Variants in VTI1B observed in about 807,000 individuals in gnomAD.
VTI1B encodes the protein vesicle transport through interaction with t-SNAREs 1B.
A neutral mutation model predicts 28.6 loss-of-function variants in VTI1B; 18 were observed. The observed-to-expected ratio is 0.63, with a 90% CI of 0.43 to 0.93. The LOEUF (loss-of-function observed/expected upper bound fraction) is 0.93, where lower values mean the gene tolerates loss of function less well. VTI1B is among the 40% of genes least tolerant of loss of function. The pLI is 0.00. For missense variants in VTI1B, 283 were observed against 297.0 expected, an observed-to-expected ratio of 0.95 and a Z score of 0.35; for synonymous variants, 100 against 107.9, an observed-to-expected ratio of 0.93 and a Z score of 0.46.
intron 5 of VTI1B, among the ~76,000 whole-genome samples, chr14:67,653,126 T>C (rs2037209268): frequency 6.6e-6 from 1 of 152,232 alleles, no homozygotes; most frequent in East Asian, 1.9e-4. Flanking sequence ...TAGGAAGCTG[T>C]TATTCCCATG....
intron 1 of VTI1B, among the ~76,000 whole-genome samples, chr14:67,672,404 C>T (rs763934647): frequency 7.3e-5 from 11 of 151,698 alleles, no homozygotes; most frequent in Non-Finnish European, 1.6e-4. Flanking sequence ...CAGGTGTGAG[C>T]CACCATGCCT....
intron 1 of VTI1B, among the ~76,000 whole-genome samples, chr14:67,673,270 G>C (rs1365172177): frequency 6.6e-6 from 1 of 152,090 alleles, no homozygotes; most frequent in Non-Finnish European, 1.5e-5. Flanking sequence ...CTTCAATCTG[G>C]GAAGTGGAGG....
intron 3 of VTI1B, among the ~76,000 whole-genome samples, chr14:67,658,024 C>T (rs2037286285): frequency 6.6e-6 from 1 of 152,180 alleles, no homozygotes; most frequent in Admixed American, 6.5e-5. Context: ...GCTGGGATTA[C>T]AGGCGTAAGC....
Position 67,662,550 on chromosome 14 carries a change from T to A in VTI1B, c.116-15A>T. On this transcript the variant is annotated splice_polypyrimidine_tract_variant and intron_variant, in intron 1 of 5. Coordinates refer to ENST00000554659, the MANE Select transcript of VTI1B (RefSeq NM_006370.3). ...CTTCTTTTCTTCTAGAAAAGATAGA[T>A]AAGTTTCAAATGCTTATTACTGTTT... 6.2e-7 allele frequency: 1 copy of A among 1,602,574 alleles called. No homozygotes were observed. The highest frequency in any genetic ancestry group is 8.5e-7 in the Non-Finnish European group (1 of 1,172,906).
At chr14:67,667,503 T>C (rs1240069355) in intron 1 of VTI1B, among the ~76,000 whole-genome samples, 2 of 152,154 alleles carry the variant, frequency 1.3e-5, no homozygotes, top group Admixed American at 1.3e-4. Flanking sequence ...TAAGGGTTGT[T>C]TGAAAGGGTT....
At position 67,647,120 on chromosome 14, in the gene VTI1B, A is replaced by C. The variant is rs2037110484; in HGVS notation, c.*4265T>G. On this transcript the variant is annotated 3_prime_UTR_variant, in exon 6 of 6. Transcript: ENST00000554659. ...ACAGCAGCTTTACTTTTAAAATACA[A>C]AGCAAAAACATACACATAATTTTAA... is the stretch of plus-strand genomic sequence containing the variant. 2 of 806,918 alleles carry C rather than the reference A, an allele frequency of 2.5e-6. No homozygotes were observed. Among genetic ancestry groups the C allele is most frequent in the Non-Finnish European group, 4.0e-6 (2 of 495,328 alleles). 50.0% of individuals were successfully genotyped at this position (806,918 alleles called of 1,614,324 possible).
rs763527839 is a variant in VTI1B at position 67,674,493 on chromosome 14, G to A, written c.-4C>T. 2.5e-6 allele frequency: 4 copies of A among 1,596,962 alleles called. No individual in the cohort carries two copies. The highest frequency in any genetic ancestry group is 3.4e-6 in the Non-Finnish European group (4 of 1,173,476). ...AGGAGGCGGCGGAGGAGGCCATGGC[G>A]CAGGCCGCGCTGGAGCAGCGGCCAC... is the stretch of plus-strand genomic sequence containing the variant. On this transcript the variant is annotated 5_prime_UTR_variant, in exon 1 of 6. Transcript: ENST00000554659.
At chr14:67,665,187 T>C (rs1350754310) in intron 1 of VTI1B, among the ~76,000 whole-genome samples, 1 of 152,042 alleles carries the variant, frequency 6.6e-6, no homozygotes. Context: ...CTACATAAGA[T>C]GTAATGTCAC....
In VTI1B at chr14:67,669,748, C is replaced by G. The variant is rs557598143; in HGVS notation, c.115+4627G>C. ...GACCAAGTGAAAAAATGCAGACACCCTGGAACCTTTCTCCCTCACTCCTCA... is the reference window on the plus strand; with the variant it reads ...GACCAAGTGAAAAAATGCAGACACCGTGGAACCTTTCTCCCTCACTCCTCA... On this transcript the variant is annotated intron_variant, in intron 1 of 5. Transcript: ENST00000554659. 3.9e-5 allele frequency among the ~76,000 whole-genome samples: 6 copies of G among 152,270 alleles called. No individual in the cohort carries two copies. The South Asian group carries it at 8.3e-4, about 21-fold the overall frequency.
intron 1 of VTI1B, 21 bp from the exon 2 acceptor site, chr14:67,662,556 T>C (rs950200330): frequency 5.6e-6 from 9 of 1,594,384 alleles, no homozygotes; most frequent in Non-Finnish European, 7.7e-6. Context: ...TAGATAAGTT[T>C]CAAATGCTTA....
chr14:67,665,686 A>G (rs953411721), intron 1 of VTI1B, among the ~76,000 whole-genome samples: 1 of 152,222 alleles, frequency 6.6e-6, no homozygotes, highest in African/African-American at 2.4e-5. Context: ...ACTGTGCCAT[A>G]GATCCTAGAA....
chr14:67,648,078 A>G lies in VTI1B; in HGVS notation c.*3307T>C. On this transcript the variant is annotated 3_prime_UTR_variant, in exon 6 of 6. Transcript: ENST00000554659. The stretch of plus-strand genomic sequence containing the variant: ...AAGACCAATCCATTTGAGTTTTGAT[A>G]TTGATGCATTTGACCCTACACTGGC... 1 of 1,613,636 alleles carries G rather than the reference A, an allele frequency of 6.2e-7. No homozygotes were observed. Among genetic ancestry groups the G allele is most frequent in the East Asian group, 2.2e-5 (1 of 44,854 alleles).
At chr14:67,663,838 G>A (rs1380398311) in intron 1 of VTI1B, among the ~76,000 whole-genome samples, 1 of 152,110 alleles carries the variant, frequency 6.6e-6, no homozygotes, top group Admixed American at 6.6e-5. Context: ...TGAGGTTCTG[G>A]TGCCAGGTTC....
intron 1 of VTI1B, chr14:67,663,022 C>T (rs539560053): frequency 7.1e-7 from 1 of 1,403,706 alleles, no homozygotes; most frequent in Non-Finnish European, 9.2e-7. Flanking sequence ...ATAAAAATTC[C>T]ACCTACTCGG....
intron 3 of VTI1B, among the ~76,000 whole-genome samples, chr14:67,657,598 GCACACACACACA>G (rs544102029): frequency 6.2e-5 from 7 of 112,372 alleles, no homozygotes; most frequent in Admixed American, 2.6e-4. Context: ...GCGCGCGCGT[GCACACACACACA>G]CACACACACA....
At chr14:67,655,553 T>C (rs997920666) in intron 4 of VTI1B, among the ~76,000 whole-genome samples, 4 of 151,976 alleles carry the variant, frequency 2.6e-5, no homozygotes. Context: ...TTTACTTACA[T>C]AACAGTAAAG....
chr14:67,661,452 A>G (rs2037333577), intron 2 of VTI1B, among the ~76,000 whole-genome samples: 1 of 151,850 alleles, frequency 6.6e-6, no homozygotes, highest in Non-Finnish European at 1.5e-5. Context: ...GTTGTCTCTT[A>G]AGACAGAAAG....
chr14:67,654,318 CTCGCTCTAGAGATGAG>C (rs1389327389), intron 4 of VTI1B, among the ~76,000 whole-genome samples: 2 of 512 alleles, frequency 3.9e-3, no homozygotes, highest in Non-Finnish European at 9.7e-3. Context: ...GAGATGAGGT[CTCGCTCTAGAGATGAG>C]GTCTCGCTAT....
chr14:67,655,781 A>G (rs1373641418), intron 4 of VTI1B, among the ~76,000 whole-genome samples: 1 of 152,206 alleles, frequency 6.6e-6, no homozygotes, highest in Non-Finnish European at 1.5e-5. Context: ...TTCTCTTGCC[A>G]AAGAGAGAAT....
Sources: gnomAD v4.1 joint callset for allele counts (sites outside exome capture counted in the v4.1 genomes callset) on GRCh38, gnomAD v4.1.1 for gene constraint, MANE v1.5 for transcripts, NCBI Gene and HGNC (gene_info 2026-07-23, HGNC 2026-07-21) for gene names.